Variants in ANGPTL5 observed in about 807,000 individuals in gnomAD.
ANGPTL5 encodes the protein angiopoietin like 5.
Under a neutral mutation model 39.4 loss-of-function variants are expected in ANGPTL5, and 34 were observed. The ratio of observed to expected loss-of-function variants is 0.86; its 90% confidence interval spans 0.66 to 1.15. The LOEUF is 1.15. Ranked by LOEUF, ANGPTL5 falls within the 50% of genes most tolerant of loss-of-function variation. The probability of loss-of-function intolerance (pLI) is 0.00; values close to 1 mark genes in which losing one functional copy is unlikely to be tolerated. For missense variants in ANGPTL5, 467 were observed against 457.5 expected, an observed-to-expected ratio of 1.02 and a Z score of -0.19; for synonymous variants, 146 against 152.1, an observed-to-expected ratio of 0.96 and a Z score of 0.29.
intron 8 of ANGPTL5, 102 bp downstream of exon 8, chr11:101,894,777 A>G (rs1939761458): frequency 1.8e-6 from 2 of 1,104,744 alleles, no homozygotes; most frequent in Admixed American, 4.1e-5. Flanking sequence ...GTTATCAGTT[A>G]TGTGTTATAT....
chr11:101,901,878 A>C (rs1939906766), intron 6 of ANGPTL5, among the ~76,000 whole-genome samples: 2 of 152,060 alleles, frequency 1.3e-5, no homozygotes, highest in African/African-American at 4.8e-5. Flanking sequence ...ATAAGGTATA[A>C]GTATCATAAA....
intron 1 of ANGPTL5, among the ~76,000 whole-genome samples, chr11:101,911,475 C>T (rs1940092156): frequency 6.6e-6 from 1 of 152,078 alleles, no homozygotes; most frequent in African/African-American, 2.4e-5. Flanking sequence ...GGAGGTAGGG[C>T]CTGATGGAAG....
chr11:101,908,780 CAAA>C (rs59041644), intron 1 of ANGPTL5, among the ~76,000 whole-genome samples: 4 of 64,938 alleles, frequency 6.2e-5, no homozygotes, highest in Admixed American at 1.8e-4. Context: ...GACTCCATCT[CAAA>C]AAAAAAAAAA....
At position 101,894,408 on chromosome 11, in the gene ANGPTL5, G is replaced by GA. The variant is rs1445165797; in HGVS notation, c.847+470dup. On this transcript the variant is annotated intron_variant, in intron 8 of 8. Coordinates refer to ENST00000334289, the MANE Select transcript of ANGPTL5 (RefSeq NM_178127.5). ...ATGAGCAGATGCATCAAAGTATAAT[G>GA]AAAAAACACTAAACTTGTTGTTCTG... Among the ~76,000 whole-genome samples, 6 of 152,264 alleles carry GA rather than the reference G, an allele frequency of 3.9e-5. No homozygotes were observed. In the East Asian group the frequency reaches 9.6e-4, roughly 24 times the overall value.
rs1565338026 is a variant in ANGPTL5 at position 101,895,031 on chromosome 11, T to C, written c.695A>G (p.Tyr232Cys). Residue 232 changes from tyrosine (Y) to cysteine (C), a missense_variant, in exon 8 of 9, where the codon TAT becomes TGT. Coordinates refer to ENST00000334289, the MANE Select transcript of ANGPTL5 (RefSeq NM_178127.5). ...ACTGGTATTTTTCTGATTTACTATA[T>C]AAAAAATCTTTTTCAGTCCTAGCCA... ...EFWLGLKKIF[Y>C]IVNQKNTSFM... 6.2e-7 allele frequency: 1 copy of C among 1,604,294 alleles called. No individual in the cohort carries two copies. Among genetic ancestry groups the C allele is most frequent in the South Asian group, 1.1e-5 (1 of 88,624 alleles).
chr11:101,909,112 T>C (rs372642732), intron 1 of ANGPTL5, among the ~76,000 whole-genome samples: 1 of 152,226 alleles, frequency 6.6e-6, no homozygotes, highest in South Asian at 2.1e-4. Flanking sequence ...ATAGTTTTTA[T>C]GGTACTAGTA....
chr11:101,906,253 G>A (rs1939995691), intron 3 of ANGPTL5, among the ~76,000 whole-genome samples: 1 of 152,030 alleles, frequency 6.6e-6, no homozygotes, highest in Admixed American at 6.6e-5. Flanking sequence ...ATTTTAAAAA[G>A]TACATCTTTG....
At chr11:101,909,692 G>GA (rs796712112) in intron 1 of ANGPTL5, among the ~76,000 whole-genome samples, 53 of 144,290 alleles carry the variant, frequency 3.7e-4, no homozygotes, top group Middle Eastern at 3.6e-3. Context: ...GTGGAAGATG[G>GA]AAAAAAAAAA....
At chr11:101,900,868 T>C (rs971881251) in intron 6 of ANGPTL5, among the ~76,000 whole-genome samples, 3 of 152,070 alleles carry the variant, frequency 2.0e-5, no homozygotes, top group Non-Finnish European at 4.4e-5. Flanking sequence ...CCCTTTTTTT[T>C]TGAGACAGAA....
rs1939682114 is a variant in ANGPTL5 at position 101,891,000 on chromosome 11, T to G, written c.*279A>C. 4.1e-6 allele frequency: 1 copy of G among 243,112 alleles called. No individual in the cohort carries two copies. Among genetic ancestry groups the G allele is most frequent in the Non-Finnish European group, 7.9e-6 (1 of 126,042 alleles). The allele number at this position is 243,112 out of a possible 1,614,324, so 15.1% of individuals were successfully genotyped here. On this transcript the variant is annotated 3_prime_UTR_variant, in exon 9 of 9. Transcript: ENST00000334289. The stretch of plus-strand genomic sequence containing the variant: ...GCTTCAAAGAAAAGGCAAAATCCTT[T>G]AAAATCACTATAAATTTTAGGAAGA...
At position 101,907,820 on chromosome 11, in the gene ANGPTL5, A is replaced by G. The variant is rs1438041214; in HGVS notation, c.90T>C (p.His30=). The stretch of plus-strand genomic sequence containing the variant: ...ATATTGCTAAAATTCTTACCGTAGA[A>G]TGATGTACACAGTTACCTTGTACAG... ...GEAVQGNCVH[H]STDSSVVNIV... Residue 30 remains histidine, a synonymous_variant, in exon 2 of 9, where the codon CAT becomes CAC. Coordinates refer to ENST00000334289, the MANE Select transcript of ANGPTL5 (RefSeq NM_178127.5). 6 of 1,589,002 alleles carry G rather than the reference A, an allele frequency of 3.8e-6. No individual in the cohort carries two copies. The South Asian group carries it at 5.5e-5, about 15-fold the overall frequency.
At chr11:101,900,368 G>T in intron 7 of ANGPTL5, 62 bp downstream of exon 7, 1 of 1,516,530 alleles carries the variant, frequency 6.6e-7, no homozygotes, top group East Asian at 2.3e-5. Context: ...ACCAATAGAG[G>T]CTCTATAGAT....
chr11:101,904,689 T>C, intron 5 of ANGPTL5, 125 bp downstream of exon 5: 1 of 818,410 alleles, frequency 1.2e-6, no homozygotes, highest in Non-Finnish European at 2.0e-6. Flanking sequence ...GTATTAGCCC[T>C]CCAGTCTGTT....
At chr11:101,904,048 G>A (rs971273195) in intron 5 of ANGPTL5, among the ~76,000 whole-genome samples, 2 of 152,138 alleles carry the variant, frequency 1.3e-5, no homozygotes, top group African/African-American at 4.8e-5. Context: ...TTGAAACCAA[G>A]GAGTCTGACA....
intron 1 of ANGPTL5, among the ~76,000 whole-genome samples, chr11:101,911,121 TTTTTTTTTTTTTTTTTTTTTGA>T: frequency 1.1e-5 from 1 of 93,066 alleles, no homozygotes; most frequent in African/African-American, 4.3e-5. Context: ...TTTTTTTTTT[TTTTTTTTTTTTTTTTTTTTTGA>T]GACAGAGCCT....
chr11:101,900,029 A>G (rs1939865862), intron 7 of ANGPTL5, among the ~76,000 whole-genome samples: 1 of 152,228 alleles, frequency 6.6e-6, no homozygotes, highest in Non-Finnish European at 1.5e-5. Context: ...GCACAGACAC[A>G]TACCTCAATT....
At chr11:101,915,317 G>A in intron 1 of ANGPTL5, 1 of 1,613,868 alleles carries the variant, frequency 6.2e-7, no homozygotes, top group Non-Finnish European at 8.5e-7. Flanking sequence ...CCCGGAGCGC[G>A]GTCGGGGAAC....
At chr11:101,909,164 G>A (rs1940050201) in intron 1 of ANGPTL5, among the ~76,000 whole-genome samples, 1 of 152,144 alleles carries the variant, frequency 6.6e-6, no homozygotes, top group Non-Finnish European at 1.5e-5. Context: ...TTTTCTTAAT[G>A]AAGAAACAGC....
Position 101,895,082 on chromosome 11 carries a change from T to C in ANGPTL5, c.662-18A>G, listed in dbSNP as rs1335130310. On this transcript the variant is annotated intron_variant, in intron 7 of 8. Transcript: ENST00000334289. ...AAATTCTCCTGTAAAAAAAATGCTTTGTTTTAATATATTTTAATACAAATT... is the reference window on the plus strand; with the variant it reads ...AAATTCTCCTGTAAAAAAAATGCTTCGTTTTAATATATTTTAATACAAATT... 3 of 1,493,196 alleles carry C rather than the reference T, an allele frequency of 2.0e-6. No homozygotes were observed. The highest frequency in any genetic ancestry group is 1.9e-5 in the Admixed American group (1 of 54,040). The allele number at this position is 1,493,196 out of a possible 1,614,324, so 92.5% of individuals were successfully genotyped here. A position where few individuals can be genotyped will look rare whatever the true frequency, so the allele number is the denominator to read the frequency against.
Sources: gnomAD v4.1 joint callset for allele counts (sites outside exome capture counted in the v4.1 genomes callset) on GRCh38, gnomAD v4.1.1 for gene constraint, MANE v1.5 for transcripts, NCBI Gene and HGNC (gene_info 2026-07-23, HGNC 2026-07-21) for gene names.